NBAS: variants seen among roughly 807,000 people sequenced by gnomAD.
The protein encoded by NBAS is NAG/BC035112 fusion.
In NBAS, 219 loss-of-function variants were observed where a neutral mutation model predicts 302.5. The observed-to-expected ratio is 0.72, with a 90% CI of 0.65 to 0.81. The LOEUF (loss-of-function observed/expected upper bound fraction) is 0.81, where lower values mean the gene tolerates loss of function less well. Ranked by LOEUF, NBAS falls within the 30% of genes least tolerant of loss-of-function variation. NBAS has a pLI of 0.00. For missense variants in NBAS, 2,932 were observed against 2,841.6 expected (o/e 1.03, Z -0.72); for synonymous variants, 1,118 against 1,021.6 (o/e 1.09, Z -1.80).
intron 49 of NBAS, among the ~76,000 whole-genome samples, chr2:15,189,543 A>G (rs996876591): frequency 6.8e-6 from 1 of 146,702 alleles, no homozygotes; most frequent in Non-Finnish European, 1.5e-5. Context: ...TTTGCCAATG[A>G]GAAGCCACAG....
chr2:14,784,653 G>A, the NBAS span, among the ~76,000 whole-genome samples: 3 of 152,032 alleles, frequency 2.0e-5, no homozygotes, highest in Non-Finnish European at 4.4e-5. Flanking sequence ...ATTTCTGAGG[G>A]CTCTGTTCTG....
At chr2:15,106,983 TG>T in the NBAS span, among the ~76,000 whole-genome samples, 1 of 152,032 alleles carries the variant, frequency 6.6e-6, no homozygotes, top group Admixed American at 6.6e-5. Context: ...AGTAGTTATT[TG>T]AGGGCTGCTT....
At chr2:14,932,388 A>G in the NBAS span, among the ~76,000 whole-genome samples, 3 of 152,212 alleles carry the variant, frequency 2.0e-5, no homozygotes, top group African/African-American at 7.2e-5. Context: ...CCAAAGACAA[A>G]GGGTTCTCAT....
intron 38 of NBAS, among the ~76,000 whole-genome samples, chr2:15,327,509 G>C (rs900048352): frequency 6.6e-6 from 1 of 152,084 alleles, no homozygotes; most frequent in Non-Finnish European, 1.5e-5. Context: ...GTTAAAGATA[G>C]GAATGATATT....
chr2:15,126,569 A>C, the NBAS span, among the ~76,000 whole-genome samples: 74 of 152,310 alleles, frequency 4.9e-4, no homozygotes, highest in Non-Finnish European at 8.7e-4. Context: ...CCGAGGGGCA[A>C]GGGAGCTGGG....
the NBAS span, among the ~76,000 whole-genome samples, chr2:14,824,762 G>A: frequency 1.8e-4 from 28 of 152,166 alleles, no homozygotes; most frequent in East Asian, 2.9e-3. Flanking sequence ...TGGAGTAATC[G>A]GCGATTGCGA....
chr2:15,454,357 T>C (rs1679154519), intron 21 of NBAS, among the ~76,000 whole-genome samples: 1 of 151,954 alleles, frequency 6.6e-6, no homozygotes, highest in African/African-American at 2.4e-5. Context: ...CTAAATGCAA[T>C]GTGGTATCCT....
intron 50 of NBAS, 151 bp from the exon 51 acceptor site, chr2:15,179,267 G>A (rs1558413329): frequency 2.6e-6 from 3 of 1,141,510 alleles, no homozygotes; most frequent in Non-Finnish European, 2.5e-6. Flanking sequence ...TACTGAATAT[G>A]GGCGTTGGTA....
Position 15,394,415 on chromosome 2 carries a change from C to A in NBAS, c.3135-66G>T. ...ACAAAAAGAGTCTAAGAATCTTAGG[C>A]ATAGAGGTAGCCCTTCAGTGTTTAG... On this transcript the variant is annotated intron_variant, in intron 27 of 51. Transcript: ENST00000281513. 3 of 1,553,614 alleles carry A rather than the reference C, an allele frequency of 1.9e-6. No individual in the cohort carries two copies. The Admixed American group carries it at 5.0e-5, about 26-fold the overall frequency.
intron 26 of NBAS, among the ~76,000 whole-genome samples, chr2:15,400,513 T>A (rs747177176): frequency 2.6e-5 from 4 of 152,034 alleles, no homozygotes; most frequent in African/African-American, 4.8e-5. Context: ...TCAAAAATGA[T>A]CTAAAATTGC....
chr2:15,495,544 A>G (rs903341774), intron 11 of NBAS, among the ~76,000 whole-genome samples: 2 of 152,170 alleles, frequency 1.3e-5, no homozygotes, highest in African/African-American at 2.4e-5. Flanking sequence ...TTTTTTTAAA[A>G]AGCCATATTG....
chr2:14,786,447 C>T, the NBAS span, among the ~76,000 whole-genome samples: 2 of 151,996 alleles, frequency 1.3e-5, no homozygotes, highest in Admixed American at 6.6e-5. Context: ...CTGCTTTCTC[C>T]TGTGGGTATT....
At chr2:15,303,670 C>CA (rs1464759905) in intron 40 of NBAS, among the ~76,000 whole-genome samples, 1 of 152,278 alleles carries the variant, frequency 6.6e-6, no homozygotes, top group East Asian at 1.9e-4. Flanking sequence ...ATCTGAGTCA[C>CA]AAACAGTACA....
chr2:14,991,460 T>C, the NBAS span, among the ~76,000 whole-genome samples: 6 of 152,328 alleles, frequency 3.9e-5, no homozygotes, highest in East Asian at 1.9e-4. Context: ...TTCCCAGTGT[T>C]GCAGGGAACC....
At chr2:15,223,890 C>T (rs1477618273) in intron 47 of NBAS, among the ~76,000 whole-genome samples, 1 of 151,776 alleles carries the variant, frequency 6.6e-6, no homozygotes, top group Non-Finnish European at 1.5e-5. Context: ...AGTTTCACTA[C>T]AAACACGTAG....
chr2:14,976,408 A>G, the NBAS span, among the ~76,000 whole-genome samples: 2 of 152,208 alleles, frequency 1.3e-5, no homozygotes, highest in Non-Finnish European at 2.9e-5. Flanking sequence ...CATGTGCACA[A>G]GGTCTACCAG....
chr2:15,480,206 T>C (rs1680370620), intron 12 of NBAS, among the ~76,000 whole-genome samples: 1 of 152,064 alleles, frequency 6.6e-6, no homozygotes, highest in African/African-American at 2.4e-5. Context: ...CCAGGCACAG[T>C]GGCACACTTC....
intron 11 of NBAS, among the ~76,000 whole-genome samples, chr2:15,492,005 T>C (rs1680876837): frequency 6.6e-6 from 1 of 152,214 alleles, no homozygotes; most frequent in Non-Finnish European, 1.5e-5. Flanking sequence ...CTTGCTTTCA[T>C]ATGGTGGATA....
the NBAS span, among the ~76,000 whole-genome samples, chr2:15,093,545 T>C: frequency 6.6e-6 from 1 of 152,264 alleles, no homozygotes; most frequent in Non-Finnish European, 1.5e-5. Flanking sequence ...TAATTGGCAA[T>C]ATGTTTACAC....
Sources: gnomAD v4.1 joint callset for allele counts (sites outside exome capture counted in the v4.1 genomes callset) on GRCh38, gnomAD v4.1.1 for gene constraint, MANE v1.5 for transcripts, NCBI Gene and HGNC (gene_info 2026-07-23, HGNC 2026-07-21) for gene names.